Variants in HTR1F observed in about 807,000 individuals in gnomAD.
The protein encoded by HTR1F is 5-hydroxytryptamine receptor 1F, also known as 5-hydroxytryptamine (serotonin) receptor 1F, G protein-coupled.
Under a neutral mutation model 24.0 loss-of-function variants are expected in HTR1F, and 17 were observed. The ratio of observed to expected loss-of-function variants is 0.71; its 90% CI spans 0.48 to 1.06. The LOEUF (loss-of-function observed/expected upper bound fraction) is 1.06. Among genes scored for constraint, HTR1F ranks in the 50% least tolerant of loss-of-function variants. The pLI, the probability that HTR1F is intolerant of heterozygous loss-of-function variation, is 0.00. For synonymous variants in HTR1F, 186 were observed against 156.8 expected, an observed-to-expected ratio of 1.19 and a Z score of -1.39; for missense variants, 391 against 427.8, an observed-to-expected ratio of 0.91 and a Z score of 0.76.
At chr3:87,850,195 C>T (rs1423126609) in intron 2 of HTR1F, among the ~76,000 whole-genome samples, 2 of 151,930 alleles carry the variant, frequency 1.3e-5, no homozygotes, top group African/African-American at 2.4e-5. Context: ...ATAGCAAAGA[C>T]GTGGAACCAG....
At chr3:87,817,853 G>C (rs1417087027) in intron 1 of HTR1F, among the ~76,000 whole-genome samples, 2 of 152,156 alleles carry the variant, frequency 1.3e-5, no homozygotes, top group East Asian at 3.8e-4. Flanking sequence ...TATTGCTCAT[G>C]TTACTGACGA....
intron 2 of HTR1F, among the ~76,000 whole-genome samples, chr3:87,927,154 C>T (rs1484648262): frequency 1.3e-5 from 2 of 152,010 alleles, no homozygotes; most frequent in Non-Finnish European, 2.9e-5. Flanking sequence ...GGTTATATGC[C>T]ACAACTTAAG....
chr3:87,953,844 T>C (rs1704886849), intron 2 of HTR1F, among the ~76,000 whole-genome samples: 2 of 151,764 alleles, frequency 1.3e-5, no homozygotes, highest in Admixed American at 6.6e-5. Flanking sequence ...TAATGGACCA[T>C]TATTCAGTCA....
At chr3:87,919,518 A>G (rs1466808412) in intron 2 of HTR1F, among the ~76,000 whole-genome samples, 1 of 152,114 alleles carries the variant, frequency 6.6e-6, no homozygotes, top group Non-Finnish European at 1.5e-5. Context: ...AACTCAAACA[A>G]ATCAGCAAGA....
intron 2 of HTR1F, among the ~76,000 whole-genome samples, chr3:87,903,229 T>A (rs1424062894): frequency 6.7e-6 from 1 of 150,258 alleles, no homozygotes; most frequent in Non-Finnish European, 1.5e-5. Context: ...GGACTTCATG[T>A]CTAAAACACC....
intron 2 of HTR1F, among the ~76,000 whole-genome samples, chr3:87,932,784 G>C (rs1400698383): frequency 6.6e-6 from 1 of 151,914 alleles, no homozygotes; most frequent in African/African-American, 2.4e-5. Flanking sequence ...ACAAGGAGGA[G>C]ATGGTACCAT....
chr3:87,940,570 T>A (rs1704544133), intron 2 of HTR1F, among the ~76,000 whole-genome samples: 1 of 152,110 alleles, frequency 6.6e-6, no homozygotes, highest in Non-Finnish European at 1.5e-5. Context: ...AAATATAGAA[T>A]CAATGCCATC....
chr3:87,952,917 A>G (rs757040490), intron 2 of HTR1F, among the ~76,000 whole-genome samples: 2 of 151,796 alleles, frequency 1.3e-5, no homozygotes, highest in Admixed American at 6.6e-5. Context: ...TACCTCATGT[A>G]TATTTTCTAC....
intron 2 of HTR1F, among the ~76,000 whole-genome samples, chr3:87,936,168 A>G (rs1449480217): frequency 1.3e-5 from 2 of 152,164 alleles, no homozygotes; most frequent in South Asian, 2.1e-4. Context: ...GGATTTTTAA[A>G]TATTTGCTGA....
At chr3:87,939,035 G>A (rs1023981382) in intron 2 of HTR1F, among the ~76,000 whole-genome samples, 3 of 152,132 alleles carry the variant, frequency 2.0e-5, no homozygotes, top group Non-Finnish European at 2.9e-5. Context: ...ATCTGACAAA[G>A]ATCTAATATC....
At chr3:87,836,913 GTTA>G (rs1276183237) in intron 2 of HTR1F, among the ~76,000 whole-genome samples, 1 of 151,744 alleles carries the variant, frequency 6.6e-6, no homozygotes, top group Non-Finnish European at 1.5e-5. Flanking sequence ...TTATCTTTAA[GTTA>G]TTAATATAGT....
chr3:87,957,519 A>G (rs1350805606), intron 2 of HTR1F, among the ~76,000 whole-genome samples: 1 of 151,338 alleles, frequency 6.6e-6, no homozygotes, highest in Non-Finnish European at 1.5e-5. Context: ...AGGCATTTGT[A>G]TTAAATTTAT....
At chr3:87,948,162 C>A (rs1704753460) in intron 2 of HTR1F, among the ~76,000 whole-genome samples, 1 of 152,094 alleles carries the variant, frequency 6.6e-6, no homozygotes, top group Non-Finnish European at 1.5e-5. Context: ...TTTAAAGATT[C>A]TGAATCGTAA....
chr3:87,931,743 A>T (rs1433878603), intron 2 of HTR1F, among the ~76,000 whole-genome samples: 1 of 151,570 alleles, frequency 6.6e-6, no homozygotes, highest in Non-Finnish European at 1.5e-5. Flanking sequence ...TGGCATTCTA[A>T]CTGGTGTGAG....
intron 2 of HTR1F, among the ~76,000 whole-genome samples, chr3:87,927,790 C>T (rs1450395113): frequency 2.0e-5 from 3 of 152,078 alleles, no homozygotes; most frequent in Non-Finnish European, 4.4e-5. Flanking sequence ...ACTGGAGATA[C>T]ACAAGTAAAT....
Position 87,963,161 on chromosome 3 carries a change from G to A in HTR1F, c.-42-27547G>A, listed in dbSNP as rs139508990. On this transcript the variant is annotated intron_variant, in intron 2 of 2. Coordinates refer to ENST00000319595, the MANE Select transcript of HTR1F (RefSeq NM_001322209.2). ...AACCTTCTGGTCAAATAAATCTACC[G>A]AATGTCAGTTATTGGACTTCTTCTT... Among the ~76,000 whole-genome samples the A allele has an allele frequency of 4.3e-4, 66 of 152,124 alleles. 1 individual carries two copies. The East Asian group carries it at 6.6e-3, about 15-fold the overall frequency.
At chr3:87,920,881 T>A (rs1205120997) in intron 2 of HTR1F, among the ~76,000 whole-genome samples, 1 of 151,998 alleles carries the variant, frequency 6.6e-6, no homozygotes, top group African/African-American at 2.4e-5. Flanking sequence ...AAAATAAAAG[T>A]TTTTTTAAAA....
intron 2 of HTR1F, among the ~76,000 whole-genome samples, chr3:87,849,936 A>G (rs578191834): frequency 6.6e-6 from 1 of 151,972 alleles, no homozygotes; most frequent in African/African-American, 2.4e-5. Context: ...TAGAATGATG[A>G]TCATTAAAAA....
chr3:87,829,263 A>G (rs1001638012), intron 2 of HTR1F, among the ~76,000 whole-genome samples: 4 of 152,168 alleles, frequency 2.6e-5, no homozygotes. Flanking sequence ...GGGTGGCTTC[A>G]TGAAAATTAT....
Sources: allele counts gnomAD v4.1 joint callset (sites outside exome capture counted in the v4.1 genomes callset), GRCh38; gene constraint gnomAD v4.1.1; transcripts MANE v1.5; gene names NCBI Gene and HGNC (gene_info 2026-07-23, HGNC 2026-07-21).